The following PRRX2 variants were observed in gnomAD, a reference collection of about 807,000 sequenced individuals.
PRRX2 encodes the protein paired mesoderm homeobox protein 2.
A neutral mutation model predicts 18.0 loss-of-function variants in PRRX2; 11 were observed. That is an observed-to-expected ratio of 0.61 (90% CI 0.39 to 1.01). The LOEUF (loss-of-function observed/expected upper bound fraction) is 1.01, where lower values mean the gene tolerates loss of function less well. PRRX2 is among the 50% of genes least tolerant of loss of function. The pLI is 0.01. For synonymous variants in PRRX2, 177 were observed against 154.8 expected (o/e 1.14, Z -1.06); for missense variants, 387 against 351.0 (o/e 1.10, Z -0.82).
At position 129,665,993 on chromosome 9, in the gene PRRX2, C is replaced by T. The variant is rs1832014931; in HGVS notation, c.126C>T (p.His42=). 2.7e-6 allele frequency: 3 copies of T among 1,110,734 alleles called. No homozygotes were observed. Among genetic ancestry groups the T allele is most frequent in the Admixed American group, 4.9e-5 (1 of 20,604 alleles). 68.8% of individuals were successfully genotyped at this position (1,110,734 alleles called of 1,614,324 possible). A position where few individuals can be genotyped will look rare whatever the true frequency, so the allele number is the denominator to read the frequency against. The change falls in exon 1 of 4, where the codon CAC becomes CAT. Residue 42 remains histidine (H), a synonymous_variant. Coordinates refer to ENST00000372469, the MANE Select transcript of PRRX2 (RefSeq NM_016307.4). The surrounding 1 kb of genome is among the most constrained non-coding windows in gnomAD (Gnocchi z 5.3). ...CGCGCAAGAACTTCTCGGTGAGCCA[C>T]CTCCTGGACCTGGAAGAGGTGGCGG... ...AQARKNFSVS[H]LLDLEEVAAA... is the part of the protein sequence containing the mutation.
intron 3 of PRRX2, among the ~76,000 whole-genome samples, chr9:129,721,046 C>T (rs1346981024): frequency 2.0e-5 from 3 of 152,158 alleles, no homozygotes; most frequent in Non-Finnish European, 2.9e-5. Context: ...CACATGCCTG[C>T]GTATGCAAAG....
intron 1 of PRRX2, among the ~76,000 whole-genome samples, chr9:129,692,077 G>T (rs774196331): frequency 3.3e-5 from 5 of 151,892 alleles, no homozygotes; most frequent in Non-Finnish European, 7.4e-5. Flanking sequence ...CCAAGTAGCT[G>T]GGACTATACA....
chr9:129,667,378 A>G (rs1436904100), intron 1 of PRRX2, among the ~76,000 whole-genome samples: 1 of 152,068 alleles, frequency 6.6e-6, no homozygotes, highest in East Asian at 1.9e-4. Context: ...GTGCTGGGGG[A>G]ATGCCCTGCC....
chr9:129,720,226 C>A (rs1253210388), intron 2 of PRRX2, among the ~76,000 whole-genome samples: 6 of 150,916 alleles, frequency 4.0e-5, no homozygotes, highest in Non-Finnish European at 8.9e-5. Context: ...CCCCTCTCCC[C>A]GCGAGTGCTC....
At chr9:129,712,077 G>T (rs1442002302) in intron 1 of PRRX2, among the ~76,000 whole-genome samples, 1 of 152,166 alleles carries the variant, frequency 6.6e-6, no homozygotes, top group East Asian at 1.9e-4. Context: ...GTTCCAGGCT[G>T]TAAATATTTC....
At chr9:129,683,021 T>C in intron 1 of PRRX2, among the ~76,000 whole-genome samples, 1 of 151,958 alleles carries the variant, frequency 6.6e-6, no homozygotes, top group Admixed American at 6.6e-5. Flanking sequence ...GGCAGGAGAA[T>C]TGCTAGAACC....
intron 1 of PRRX2, among the ~76,000 whole-genome samples, chr9:129,714,736 C>T (rs984141332): frequency 2.6e-5 from 4 of 152,280 alleles, no homozygotes; most frequent in African/African-American, 7.2e-5. Flanking sequence ...CTCGGCAAGG[C>T]GAAGGCTGCA....
chr9:129,681,901 C>T (rs192344943), intron 1 of PRRX2, among the ~76,000 whole-genome samples: 1 of 152,036 alleles, frequency 6.6e-6, no homozygotes, highest in Non-Finnish European at 1.5e-5. Context: ...CCCTGGGGAT[C>T]ACGGGCACAT....
Position 129,695,578 on chromosome 9 carries a change from G to A in PRRX2, c.260-23653G>A, listed in dbSNP as rs368244377. Among the ~76,000 whole-genome samples, 6 of 152,254 alleles carry A rather than the reference G, an allele frequency of 3.9e-5. No individual in the cohort carries two copies. The highest frequency in any genetic ancestry group is 4.1e-4 in the South Asian group (2 of 4,824). On this transcript the variant is annotated intron_variant, in intron 1 of 3. Transcript: ENST00000372469. The surrounding 1 kb of genome is among the most constrained non-coding windows in gnomAD (Gnocchi z 4.8). ...CTGGCACAGAGCTGGGAGCCGGGCC[G>A]GGAGCCCCCAGCTGGCAGGCACCTC...
At chr9:129,719,186 C>G in intron 1 of PRRX2, 45 bp from the exon 2 acceptor site, 3 of 1,481,268 alleles carry the variant, frequency 2.0e-6, no homozygotes, top group Non-Finnish European at 2.7e-6. Flanking sequence ...GTGACTGTAG[C>G]CACTGGCCGT....
chr9:129,698,593 C>T lies in PRRX2; in HGVS notation c.260-20638C>T, dbSNP rs191799966. On this transcript the variant is annotated intron_variant, in intron 1 of 3. Transcript: ENST00000372469. ...TCAGCCATGCACATCAACTCAGAGA[C>T]TAATCCCTGCTAGGCGCGTGTGGGC... 1.6e-3 allele frequency among the ~76,000 whole-genome samples: 240 copies of T among 152,340 alleles called. 2 individuals are homozygous for T. The highest frequency in any genetic ancestry group is 2.8e-3 in the Non-Finnish European group (188 of 68,020).
rs994320533 is a variant in PRRX2, at chr9:129,675,425, G to A, written c.259+9299G>A. Among the ~76,000 whole-genome samples the A allele has an allele frequency of 2.0e-5, 3 of 152,106 alleles. No homozygotes were observed. Among genetic ancestry groups the A allele is most frequent in the Admixed American group, 1.3e-4 (2 of 15,284 alleles). On this transcript the variant is annotated intron_variant, in intron 1 of 3. Coordinates refer to ENST00000372469, the MANE Select transcript of PRRX2 (RefSeq NM_016307.4). The surrounding 1 kb of genome is among the most constrained non-coding windows in gnomAD (Gnocchi z 4.4). ...GGTGGCCAGGGTTGGGGTGTAGGAG[G>A]CAGTCAAAAGCACCCCTGCTGAGCT...
At position 129,698,985 on chromosome 9, in the gene PRRX2, C is replaced by T. The variant is rs529075650; in HGVS notation, c.260-20246C>T. 2.6e-5 allele frequency among the ~76,000 whole-genome samples: 4 copies of T among 152,356 alleles called. No individual in the cohort carries two copies. In the South Asian group the frequency reaches 6.2e-4, roughly 24 times the overall value. On this transcript the variant is annotated intron_variant, in intron 1 of 3. Coordinates refer to ENST00000372469, the MANE Select transcript of PRRX2 (RefSeq NM_016307.4). The stretch of plus-strand genomic sequence containing the variant: ...TCAGGATAGCCTGACTGTCCCTTCC[C>T]TCCCAGGGCATGCTGGAGGCCCTTC...
chr9:129,674,023 C>T (rs927760348), intron 1 of PRRX2, among the ~76,000 whole-genome samples: 4 of 152,244 alleles, frequency 2.6e-5, no homozygotes, highest in Admixed American at 6.5e-5. Context: ...GAGCTGGCCA[C>T]GGCTGCCCCT....
In PRRX2 at chr9:129,696,404, G is replaced by A. The variant is rs143799251; in HGVS notation, c.260-22827G>A. ...AGCCTGGGCAACATGGTGAAACCCC[G>A]TCTCTACAAAAAATACAAAAATTGG... On this transcript the variant is annotated intron_variant, in intron 1 of 3. Coordinates refer to ENST00000372469, the MANE Select transcript of PRRX2 (RefSeq NM_016307.4). Among the ~76,000 whole-genome samples, 53 of 152,120 alleles carry A rather than the reference G, an allele frequency of 3.5e-4. 1 individual carries two copies. The East Asian group carries it at 9.7e-3, about 28-fold the overall frequency.
At chr9:129,714,293 C>T (rs1301247724) in intron 1 of PRRX2, among the ~76,000 whole-genome samples, 1 of 151,312 alleles carries the variant, frequency 6.6e-6, no homozygotes, top group African/African-American at 2.4e-5. Context: ...ATCCCAGCTG[C>T]TCTGGAGGCT....
At chr9:129,677,480 GGAT>G (rs1287537502) in intron 1 of PRRX2, among the ~76,000 whole-genome samples, 1 of 152,220 alleles carries the variant, frequency 6.6e-6, no homozygotes, top group East Asian at 1.9e-4. Flanking sequence ...GGCCCAGGAG[GGAT>G]GGGGGGGTTC....
chr9:129,682,337 A>G (rs1832243387), intron 1 of PRRX2, among the ~76,000 whole-genome samples: 1 of 151,348 alleles, frequency 6.6e-6, no homozygotes, highest in Non-Finnish European at 1.5e-5. Context: ...GCACTATGTT[A>G]CTATTACTGC....
rs534502707 is a variant in PRRX2 at position 129,670,067 on chromosome 9, C to T, written c.259+3941C>T. On this transcript the variant is annotated intron_variant, in intron 1 of 3. Coordinates refer to ENST00000372469, the MANE Select transcript of PRRX2 (RefSeq NM_016307.4). The stretch of plus-strand genomic sequence containing the variant: ...GTGGATTTGACTACCCTAGGGATCT[C>T]GTATGTAAGTGGAATCCTACAGTAT... Among the ~76,000 whole-genome samples the T allele has an allele frequency of 6.8e-5, 10 of 146,602 alleles. No homozygotes were observed. The East Asian group carries it at 1.4e-3, about 20-fold the overall frequency.
Sources: allele counts gnomAD v4.1 joint callset (sites outside exome capture counted in the v4.1 genomes callset), GRCh38; gene constraint gnomAD v4.1.1; non-coding constraint Gnocchi (gnomAD v3.1); transcripts MANE v1.5; gene names NCBI Gene and HGNC (gene_info 2026-07-23, HGNC 2026-07-21).